The following SORCS2 variants were observed in gnomAD, a reference collection of about 807,000 sequenced individuals.
SORCS2 encodes sortilin related VPS10 domain containing receptor 2.
Under a neutral mutation model 141.6 loss-of-function variants are expected in SORCS2, and 100 were observed. The ratio of observed to expected loss-of-function variants is 0.71; its 90% confidence interval spans 0.60 to 0.83. The LOEUF is 0.83. SORCS2 is among the 40% of genes least tolerant of loss of function. SORCS2 has a pLI of 0.00. For missense variants in SORCS2, 1,646 were observed against 1,560.2 expected, an observed-to-expected ratio of 1.05 and a Z score of -0.93; for synonymous variants, 789 against 676.9, an observed-to-expected ratio of 1.17 and a Z score of -2.57.
chr4:7,410,117 C>T (rs916466323), intron 2 of SORCS2, among the ~76,000 whole-genome samples: 11 of 152,344 alleles, frequency 7.2e-5, no homozygotes, highest in Admixed American at 6.5e-4. Flanking sequence ...TTGACAAAGC[C>T]TTCTGCAGAG....
At chr4:7,557,797 T>C (rs982757454) in intron 3 of SORCS2, among the ~76,000 whole-genome samples, 1 of 152,158 alleles carries the variant, frequency 6.6e-6, no homozygotes, top group Non-Finnish European at 1.5e-5. Context: ...GATGCCTTCC[T>C]TGGGGAGGAA....
At chr4:7,424,843 G>A (rs1003143878) in intron 2 of SORCS2, among the ~76,000 whole-genome samples, 2 of 152,198 alleles carry the variant, frequency 1.3e-5, no homozygotes, top group African/African-American at 4.8e-5. Flanking sequence ...TGCGTGTTGG[G>A]GCCTGCCCTA....
At chr4:7,617,494 C>T (rs576210884) in intron 3 of SORCS2, among the ~76,000 whole-genome samples, 4 of 152,142 alleles carry the variant, frequency 2.6e-5, no homozygotes, top group African/African-American at 7.2e-5. Context: ...TGCTGTCTGA[C>T]GTCAAGGAGC....
At chr4:7,240,453 CG>C (rs971507471) in intron 1 of SORCS2, among the ~76,000 whole-genome samples, 1 of 152,024 alleles carries the variant, frequency 6.6e-6, no homozygotes, top group Non-Finnish European at 1.5e-5. Context: ...TCTAATTTGC[CG>C]GGGAGCTTGG....
At chr4:7,676,661 A>C (rs1411858243) in intron 9 of SORCS2, among the ~76,000 whole-genome samples, 32 of 123,628 alleles carry the variant, frequency 2.6e-4, no homozygotes, top group Admixed American at 4.8e-4. Flanking sequence ...CTCTCTCTCT[A>C]CCCCAGCCCC....
At chr4:7,434,638 T>A (rs781265634) in intron 2 of SORCS2, 1 of 1,613,310 alleles carries the variant, frequency 6.2e-7, no homozygotes, top group Non-Finnish European at 8.5e-7. Context: ...CTCCGTGGCG[T>A]CAGGGTTCAG....
At chr4:7,560,019 A>G (rs1459120062) in intron 3 of SORCS2, among the ~76,000 whole-genome samples, 1 of 152,194 alleles carries the variant, frequency 6.6e-6, no homozygotes, top group Non-Finnish European at 1.5e-5. Context: ...CACCCGCTGA[A>G]TTAAAGGCGG....
chr4:7,520,762 G>C (rs1459697063), intron 2 of SORCS2, among the ~76,000 whole-genome samples: 2 of 152,252 alleles, frequency 1.3e-5, no homozygotes, highest in Non-Finnish European at 2.9e-5. Flanking sequence ...CCAGGGCTGA[G>C]TCTGGGGGTG....
chr4:7,497,691 A>G (rs1019503556), intron 2 of SORCS2, among the ~76,000 whole-genome samples: 25 of 152,380 alleles, frequency 1.6e-4, no homozygotes, highest in Non-Finnish European at 3.5e-4. Context: ...CACATGACCC[A>G]GGGAGGTAGG....
intron 3 of SORCS2, among the ~76,000 whole-genome samples, chr4:7,612,029 G>A (rs934325423): frequency 2.0e-5 from 3 of 152,252 alleles, no homozygotes; most frequent in African/African-American, 7.2e-5. Flanking sequence ...GGAATGTGGT[G>A]TGGGACAGAA....
intron 3 of SORCS2, among the ~76,000 whole-genome samples, chr4:7,543,810 ATCCATCCATCTACCCATCTG>A (rs1712970782): frequency 2.0e-4 from 4 of 19,788 alleles, no homozygotes; most frequent in Admixed American, 9.1e-4. Context: ...CCATCCATCC[ATCCATCCATCTACCCATCTG>A]TCCATCCATC....
At chr4:7,371,338 C>T (rs147879492) in intron 1 of SORCS2, among the ~76,000 whole-genome samples, 6 of 152,248 alleles carry the variant, frequency 3.9e-5, no homozygotes, top group South Asian at 2.1e-4. Context: ...GTGACGCTGC[C>T]GGGCCCTTCT....
At chr4:7,658,991 G>A (rs1721975738) in intron 5 of SORCS2, among the ~76,000 whole-genome samples, 1 of 152,192 alleles carries the variant, frequency 6.6e-6, no homozygotes, top group Admixed American at 6.5e-5. Flanking sequence ...GTTTGCTCTT[G>A]GGCAGTGTCC....
rs190517904 is a variant in SORCS2 at position 7,479,897 on chromosome 4, C to T, written c.549-51633C>T. Among the ~76,000 whole-genome samples, 158 of 152,336 alleles carry T rather than the reference C, an allele frequency of 1.0e-3. 1 individual carries two copies. Among genetic ancestry groups the T allele is most frequent in the African/African-American group, 3.7e-3 (155 of 41,578 alleles). ...TGCTCTGTTAGGACTGGGGATGCTG[C>T]GATGCACAAGAAAGAGGCAGCCCTG... On this transcript the variant is annotated intron_variant, in intron 2 of 26. Coordinates refer to ENST00000507866, the MANE Select transcript of SORCS2 (RefSeq NM_020777.3).
At chr4:7,669,946 G>C (rs4689819) in intron 8 of SORCS2, among the ~76,000 whole-genome samples, 119,273 of 152,266 alleles carry the variant, frequency 0.78, 49,627 homozygotes, top group Non-Finnish European at 0.92. Context: ...CTAAGCCAGA[G>C]TCTTGTTGCT....
At chr4:7,666,226 C>T (rs1293610002) in intron 7 of SORCS2, among the ~76,000 whole-genome samples, 2 of 152,114 alleles carry the variant, frequency 1.3e-5, no homozygotes, top group Admixed American at 6.5e-5. Flanking sequence ...GTTTGAACGA[C>T]GTCCACGTCT....
At chr4:7,503,296 G>T (rs2109435883) in intron 2 of SORCS2, among the ~76,000 whole-genome samples, 1 of 152,280 alleles carries the variant, frequency 6.6e-6, no homozygotes, top group African/African-American at 2.4e-5. Context: ...TAAAGAAAGT[G>T]GTGAGGCTGC....
At chr4:7,318,933 G>C (rs2108939463) in intron 1 of SORCS2, among the ~76,000 whole-genome samples, 1 of 152,216 alleles carries the variant, frequency 6.6e-6, no homozygotes, top group East Asian at 1.9e-4. Context: ...ATCTGGTTTT[G>C]GTCTGTATAG....
chr4:7,644,915 T>C (rs1264854903), intron 4 of SORCS2, among the ~76,000 whole-genome samples: 2 of 152,214 alleles, frequency 1.3e-5, no homozygotes, highest in Non-Finnish European at 2.9e-5. Flanking sequence ...TTCTTGTTTA[T>C]TTGCTGGTGT....
Sources: gnomAD v4.1 joint callset for allele counts (sites outside exome capture counted in the v4.1 genomes callset) on GRCh38, gnomAD v4.1.1 for gene constraint, MANE v1.5 for transcripts, NCBI Gene and HGNC (gene_info 2026-07-23, HGNC 2026-07-21) for gene names.